Variants in MAPK1IP1L observed in about 807,000 individuals in gnomAD.
MAPK1IP1L encodes MAPK-interacting and spindle-stabilizing protein-like.
In MAPK1IP1L, 10 loss-of-function variants were observed where a neutral mutation model predicts 18.1. That is an observed-to-expected ratio of 0.55 (90% CI 0.34 to 0.94). MAPK1IP1L has a LOEUF of 0.94. MAPK1IP1L is among the 40% of genes least tolerant of loss of function. The pLI is 0.02. For synonymous variants in MAPK1IP1L, 115 were observed against 117.3 expected, an observed-to-expected ratio of 0.98 and a Z score of 0.13; for missense variants, 260 against 318.2, an observed-to-expected ratio of 0.82 and a Z score of 1.39.
At chr14:55,059,813 ACAC>A (rs35906532) in intron 1 of MAPK1IP1L, among the ~76,000 whole-genome samples, 1,642 of 152,260 alleles carry the variant, frequency 0.011, 40 homozygotes, top group African/African-American at 0.038. Context: ...GGTGCACAGT[ACAC>A]CACCATGTTC....
rs1026695483 is a variant in MAPK1IP1L at position 55,056,515 on chromosome 14, G to GT, written c.-5+4719dup. 1.1e-4 allele frequency among the ~76,000 whole-genome samples: 17 copies of GT among 151,850 alleles called. No homozygotes were observed. The East Asian group carries it at 1.7e-3, about 16-fold the overall frequency. ...GAATGGGTTGTATGTGGGTTTTTTT[G>GT]TTTTTTTGTTTTTGAGACGGAGTTT... On this transcript the variant is annotated intron_variant, in intron 1 of 3. Transcript: ENST00000395468.
chr14:55,053,329 ATAGC>A (rs1187642645), intron 1 of MAPK1IP1L, among the ~76,000 whole-genome samples: 1 of 152,234 alleles, frequency 6.6e-6, no homozygotes, highest in Non-Finnish European at 1.5e-5. Context: ...AGCTGCAGTT[ATAGC>A]TAGATAATCA....
chr14:55,062,427 G>A (rs2042824820), intron 2 of MAPK1IP1L, among the ~76,000 whole-genome samples, 191 bp from the exon 3 acceptor site: 1 of 152,192 alleles, frequency 6.6e-6, no homozygotes, highest in African/African-American at 2.4e-5. Context: ...GCACTGTAAA[G>A]TTGATACGCA....
chr14:55,052,768 C>G (rs1054772178), intron 1 of MAPK1IP1L, among the ~76,000 whole-genome samples: 21 of 152,162 alleles, frequency 1.4e-4, no homozygotes, highest in African/African-American at 5.1e-4. Flanking sequence ...CATCTCTGAG[C>G]CCACAATGCA....
chr14:55,066,626 C>T lies in MAPK1IP1L; in HGVS notation c.*1999C>T, dbSNP rs1485912461. 1 of 152,092 alleles carries T rather than the reference C, an allele frequency of 6.6e-6. No individual in the cohort carries two copies. Among genetic ancestry groups the T allele is most frequent in the Non-Finnish European group, 1.5e-5 (1 of 68,022 alleles). The allele number at this position is 152,092 out of a possible 1,614,324, so 9.4% of individuals were successfully genotyped here. ...GCTGTCCTACATTGGGATAAGCTGA[C>T]AAATTAGCAGTATTTAGTTTAACAC... On this transcript the variant is annotated 3_prime_UTR_variant, in exon 4 of 4. Coordinates refer to ENST00000395468, the MANE Select transcript of MAPK1IP1L (RefSeq NM_144578.4).
intron 1 of MAPK1IP1L, 122 bp from the exon 2 acceptor site, chr14:55,061,558 A>C: frequency 1.5e-6 from 1 of 683,434 alleles, no homozygotes. Flanking sequence ...ACATTACATA[A>C]ATAAGATTCC....
At chr14:55,061,851 T>G (rs563917974) in intron 2 of MAPK1IP1L, 150 bp downstream of exon 2, 14 of 595,932 alleles carry the variant, frequency 2.3e-5, no homozygotes, top group Non-Finnish European at 3.6e-5. Context: ...CTTGGGAGGA[T>G]CCCTTGACCC....
rs1238996187 is a variant in MAPK1IP1L, at chr14:55,064,790, A to T, written c.*163A>T. Reference sequence around the variant, plus strand: ...AACTGCCTCTTGTACTTGGATGCGTAGTACATCATATGTATACAATCAGAT... The same window carrying T: ...AACTGCCTCTTGTACTTGGATGCGTTGTACATCATATGTATACAATCAGAT... On this transcript the variant is annotated 3_prime_UTR_variant, in exon 4 of 4. Coordinates refer to ENST00000395468, the MANE Select transcript of MAPK1IP1L (RefSeq NM_144578.4). The T allele has an allele frequency of 3.3e-6, 2 of 598,782 alleles. No homozygotes were observed. The highest frequency in any genetic ancestry group is 3.7e-5 in the African/African-American group (2 of 53,766). 37.1% of individuals were successfully genotyped at this position (598,782 alleles called of 1,614,324 possible).
Position 55,066,893 on chromosome 14 carries a change from G to C in MAPK1IP1L, c.*2266G>C, listed in dbSNP as rs1231427985. On this transcript the variant is annotated 3_prime_UTR_variant, in exon 4 of 4. Coordinates refer to ENST00000395468, the MANE Select transcript of MAPK1IP1L (RefSeq NM_144578.4). The stretch of plus-strand genomic sequence containing the variant: ...TTCAAGGACTTTGCAACTGGTATTT[G>C]GGGGAGATTTTTTTTTTTTTTTGAG... The C allele has an allele frequency of 3.8e-5, 5 of 130,138 alleles. No individual in the cohort carries two copies. Among genetic ancestry groups the C allele is most frequent in the Non-Finnish European group, 7.8e-5 (5 of 63,822 alleles). The allele number at this position is 130,138 out of a possible 1,614,324, so 8.1% of individuals were successfully genotyped here.
chr14:55,056,543 A>G lies in MAPK1IP1L; in HGVS notation c.-5+4740A>G, dbSNP rs551155223. ...TTTTTGTTTTTGAGACGGAGTTTGC[A>G]CTGTCACCCAGGCTGGAGTGCAGTG... On this transcript the variant is annotated intron_variant, in intron 1 of 3. Coordinates refer to ENST00000395468, the MANE Select transcript of MAPK1IP1L (RefSeq NM_144578.4). Among the ~76,000 whole-genome samples, 21 of 152,152 alleles carry G rather than the reference A, an allele frequency of 1.4e-4. 2 individuals are homozygous for G. Among genetic ancestry groups the G allele is most frequent in the Admixed American group, 4.6e-4 (7 of 15,272 alleles).
chr14:55,062,389 T>G (rs2042824471), intron 2 of MAPK1IP1L, among the ~76,000 whole-genome samples: 1 of 152,236 alleles, frequency 6.6e-6, no homozygotes, highest in Non-Finnish European at 1.5e-5. Context: ...TTAGTTGTAT[T>G]TAGAAAACGA....
Position 55,070,187 on chromosome 14 carries a change from G to C in MAPK1IP1L, c.*5560G>C, listed in dbSNP as rs1464985776. The C allele has an allele frequency of 1.3e-5, 2 of 152,140 alleles. No individual in the cohort carries two copies. The highest frequency in any genetic ancestry group is 4.8e-5 in the African/African-American group (2 of 41,424). 9.4% of individuals were successfully genotyped at this position (152,140 alleles called of 1,614,324 possible). ...GATGGTGAAATAATAAGACCATTCTGGAGCAGGGCCAGTTTCTTTTTTTCC... is the reference window on the plus strand; with the variant it reads ...GATGGTGAAATAATAAGACCATTCTCGAGCAGGGCCAGTTTCTTTTTTTCC... On this transcript the variant is annotated 3_prime_UTR_variant, in exon 4 of 4. Transcript: ENST00000395468.
At chr14:55,056,144 C>G (rs2042769812) in intron 1 of MAPK1IP1L, among the ~76,000 whole-genome samples, 1 of 152,118 alleles carries the variant, frequency 6.6e-6, no homozygotes, top group African/African-American at 2.4e-5. Flanking sequence ...TTTTTAATCA[C>G]AAGATTCTAG....
At chr14:55,062,554 T>G in intron 2 of MAPK1IP1L, 64 bp from the exon 3 acceptor site, 1 of 1,323,970 alleles carries the variant, frequency 7.6e-7, no homozygotes, top group Non-Finnish European at 1.0e-6. Flanking sequence ...TCTCTGTGGG[T>G]TTATAATGGT....
At chr14:55,055,815 A>G (rs992957756) in intron 1 of MAPK1IP1L, among the ~76,000 whole-genome samples, 4 of 152,144 alleles carry the variant, frequency 2.6e-5, no homozygotes, top group Admixed American at 2.6e-4. Flanking sequence ...CTATAATCCC[A>G]GCTACTTGAG....
chr14:55,054,898 T>C (rs896412600), intron 1 of MAPK1IP1L, among the ~76,000 whole-genome samples: 2 of 152,232 alleles, frequency 1.3e-5, no homozygotes, highest in African/African-American at 4.8e-5. Context: ...TTGTACTGTT[T>C]TAAAATTACT....
intron 2 of MAPK1IP1L, among the ~76,000 whole-genome samples, chr14:55,061,914 G>A (rs1456282697): frequency 6.6e-6 from 1 of 152,186 alleles, no homozygotes; most frequent in East Asian, 1.9e-4. Flanking sequence ...CTCCTGCCTG[G>A]GTGACAGAGT....
intron 2 of MAPK1IP1L, 29 bp downstream of exon 2, chr14:55,061,730 T>A: frequency 6.5e-7 from 1 of 1,531,174 alleles, no homozygotes; most frequent in Non-Finnish European, 8.8e-7. Context: ...CTGTGATAAG[T>A]TTTTCATCTC....
At chr14:55,060,819 A>G (rs1257947808) in intron 1 of MAPK1IP1L, 3 of 152,186 alleles carry the variant, frequency 2.0e-5, no homozygotes, top group African/African-American at 2.4e-5. Flanking sequence ...AAAAATTGGT[A>G]AAAGTACTCC....
Sources: allele counts gnomAD v4.1 joint callset (sites outside exome capture counted in the v4.1 genomes callset), GRCh38; gene constraint gnomAD v4.1.1; transcripts MANE v1.5; gene names NCBI Gene and HGNC (gene_info 2026-07-23, HGNC 2026-07-21).